The following LPCAT1 variants were observed in gnomAD, a reference collection of about 807,000 sequenced individuals.
LPCAT1 encodes 1-acylglycerol-3-phosphate O-acyltransferase.
In LPCAT1, 23 loss-of-function variants were observed where a neutral mutation model predicts 60.9. The ratio of observed to expected loss-of-function variants is 0.38; its 90% CI spans 0.27 to 0.53. The LOEUF is 0.53. Among genes scored for constraint, LPCAT1 ranks in the 20% least tolerant of loss-of-function variants. LPCAT1 has a pLI of 0.82. For synonymous variants in LPCAT1, 340 were observed against 301.1 expected (o/e 1.13, Z -1.34); for missense variants, 622 against 723.6 (o/e 0.86, Z 1.61).
chr5:1,463,889 G>A (rs1734215020), intron 13 of LPCAT1, 54 bp from the exon 14 acceptor site: 7 of 1,581,318 alleles, frequency 4.4e-6, no homozygotes, highest in Non-Finnish European at 6.0e-6. Context: ...AAATGTCTAG[G>A]ATTTGGAGGC....
At chr5:1,471,436 G>A (rs138278508) in intron 11 of LPCAT1, among the ~76,000 whole-genome samples, 2 of 152,342 alleles carry the variant, frequency 1.3e-5, no homozygotes, top group Non-Finnish European at 2.9e-5. Flanking sequence ...ATGCTGATGT[G>A]AGTGAGCAGG....
intron 1 of LPCAT1, among the ~76,000 whole-genome samples, chr5:1,514,725 C>T (rs374500986): frequency 2.0e-5 from 3 of 152,264 alleles, no homozygotes; most frequent in Admixed American, 2.0e-4. Flanking sequence ...AGTGATACAT[C>T]GTGGGGGGCT....
chr5:1,489,180 A>C (rs1735478231), intron 4 of LPCAT1, among the ~76,000 whole-genome samples: 1 of 152,246 alleles, frequency 6.6e-6, no homozygotes, highest in Non-Finnish European at 1.5e-5. Flanking sequence ...CCTGGAAGTC[A>C]CAGCCCTCTA....
At chr5:1,493,145 C>A (rs1421652955) in intron 3 of LPCAT1, among the ~76,000 whole-genome samples, 1 of 152,246 alleles carries the variant, frequency 6.6e-6, no homozygotes, top group African/African-American at 2.4e-5. Context: ...GCCTGTCCAG[C>A]CTCCTCCAGG....
chr5:1,469,839 G>GCAGGGCCA (rs1337436541), intron 12 of LPCAT1, among the ~76,000 whole-genome samples: 1 of 152,006 alleles, frequency 6.6e-6, no homozygotes, highest in Non-Finnish European at 1.5e-5. Context: ...AGCAGGGGCC[G>GCAGGGCCA]CAGGGCCACA....
At position 1,481,258 on chromosome 5, in the gene LPCAT1, C is replaced by T. The variant is rs113095166; in HGVS notation, c.727-282G>A. Among the ~76,000 whole-genome samples, 57 of 152,140 alleles carry T rather than the reference C, an allele frequency of 3.7e-4. No individual in the cohort carries two copies. The highest frequency in any genetic ancestry group is 6.8e-4 in the Non-Finnish European group (46 of 68,020). Reference sequence around the variant, plus strand: ...CCAAGATCCCCAGAGTCCCTGAGGACTCAGAGCCCCCTCTTATAGGTTCCC... The same window carrying T: ...CCAAGATCCCCAGAGTCCCTGAGGATTCAGAGCCCCCTCTTATAGGTTCCC... On this transcript the variant is annotated intron_variant, in intron 6 of 13. Coordinates refer to ENST00000283415, the MANE Select transcript of LPCAT1 (RefSeq NM_024830.5). The surrounding 1 kb of genome is among the most constrained non-coding windows in gnomAD (Gnocchi z 7.8).
At chr5:1,486,282 C>G (rs138774159) in intron 5 of LPCAT1, among the ~76,000 whole-genome samples, 5 of 152,198 alleles carry the variant, frequency 3.3e-5, no homozygotes, top group Non-Finnish European at 4.4e-5. Context: ...ACCTCAGAGG[C>G]GGCACCCCTG....
intron 3 of LPCAT1, among the ~76,000 whole-genome samples, chr5:1,492,622 C>G (rs369033232): frequency 9.7e-4 from 148 of 152,326 alleles, no homozygotes; most frequent in African/African-American, 2.9e-3. Context: ...CACGAGGGCC[C>G]TGCACACAGC....
At chr5:1,510,908 G>T (rs1245964067) in intron 1 of LPCAT1, 2 of 152,486 alleles carry the variant, frequency 1.3e-5, no homozygotes, top group Non-Finnish European at 2.9e-5. Context: ...GGAGTGCAGT[G>T]TCTCTGGAGC....
At chr5:1,508,471 A>G (rs150836610) in intron 1 of LPCAT1, among the ~76,000 whole-genome samples, 34 of 152,232 alleles carry the variant, frequency 2.2e-4, no homozygotes, top group Non-Finnish European at 4.7e-4. Flanking sequence ...AGATGAGGAC[A>G]CAGACACCCA....
At chr5:1,508,197 G>A (rs1209686851) in intron 1 of LPCAT1, among the ~76,000 whole-genome samples, 1 of 152,240 alleles carries the variant, frequency 6.6e-6, no homozygotes, top group Non-Finnish European at 1.5e-5. Flanking sequence ...GGCGGGCACA[G>A]TGGGAGTGCA....
In LPCAT1 at chr5:1,483,594, C is replaced by G. The variant is rs766332418; in HGVS notation, c.668-108G>C. On this transcript the variant is annotated intron_variant, in intron 5 of 13. Coordinates refer to ENST00000283415, the MANE Select transcript of LPCAT1 (RefSeq NM_024830.5). The surrounding 1 kb of genome is among the most constrained non-coding windows in gnomAD (Gnocchi z 9.2). ...TAAAAGTGAGCTTTTCTGTCTAGGC[C>G]TTCCTGGTCAGCAAGGGCACTCCAT... is the stretch of plus-strand genomic sequence containing the variant. The G allele has an allele frequency of 1.3e-4, 155 of 1,160,004 alleles. No homozygotes were observed. The highest frequency in any genetic ancestry group is 1.5e-4 in the Non-Finnish European group (121 of 792,548). The allele number at this position is 1,160,004 out of a possible 1,614,324, so 71.9% of individuals were successfully genotyped here.
intron 1 of LPCAT1, among the ~76,000 whole-genome samples, chr5:1,514,105 C>T (rs185499771): frequency 3.3e-5 from 5 of 152,338 alleles, no homozygotes; most frequent in Admixed American, 2.6e-4. Flanking sequence ...ATGGGCAGCC[C>T]GAGAGCAGAA....
At position 1,496,050 on chromosome 5, in the gene LPCAT1, C is replaced by T. The variant is rs1735777064; in HGVS notation, c.279-1136G>A. ...GGTGTGCACTTCTTCACCACCTGTT[C>T]AGCTGCATATTTAAAAATGTACTTT... On this transcript the variant is annotated intron_variant, in intron 2 of 13. Coordinates refer to ENST00000283415, the MANE Select transcript of LPCAT1 (RefSeq NM_024830.5). The surrounding 1 kb of genome is among the most constrained non-coding windows in gnomAD (Gnocchi z 4.7). Among the ~76,000 whole-genome samples the T allele has an allele frequency of 6.6e-6, 1 of 152,190 alleles. No individual in the cohort carries two copies. Among genetic ancestry groups the T allele is most frequent in the Admixed American group, 6.5e-5 (1 of 15,278 alleles).
chr5:1,505,561 G>A (rs1736156779), intron 1 of LPCAT1, among the ~76,000 whole-genome samples: 1 of 11,700 alleles, frequency 8.5e-5, no homozygotes, highest in Non-Finnish European at 1.6e-4. Context: ...CCTGCATGCC[G>A]GGTAGGGTAG....
At position 1,476,145 on chromosome 5, in the gene LPCAT1, G is replaced by A. The variant is rs957290348; in HGVS notation, c.899+1259C>T. Reference sequence around the variant, plus strand: ...AAAATAATCAGTGAGGCCCACAGGCGATCTCTCCTTGAGCGCTGTAAAATC... The same window carrying A: ...AAAATAATCAGTGAGGCCCACAGGCAATCTCTCCTTGAGCGCTGTAAAATC... On this transcript the variant is annotated intron_variant, in intron 9 of 13. Transcript: ENST00000283415. This position sits in a 1 kb window ranked among gnomAD's most constrained non-coding sequence, Gnocchi z 8.6. 6.6e-6 allele frequency among the ~76,000 whole-genome samples: 1 copy of A among 152,226 alleles called. No homozygotes were observed. The highest frequency in any genetic ancestry group is 1.5e-5 in the Non-Finnish European group (1 of 68,046).
At position 1,480,982 on chromosome 5, in the gene LPCAT1, G is replaced by C. The variant is rs1735115477; in HGVS notation, c.727-6C>G. The stretch of plus-strand genomic sequence containing the variant: ...CACGTCCATGTGATGGTGTCCTGGG[G>C]AGGAAGAGGCAGGGTCAGTCAGCAT... On this transcript the variant is annotated splice_region_variant and splice_polypyrimidine_tract_variant and intron_variant, in intron 6 of 13. Transcript: ENST00000283415. This position sits in a 1 kb window ranked among gnomAD's most constrained non-coding sequence, Gnocchi z 6.4. 6.2e-7 allele frequency: 1 copy of C among 1,613,580 alleles called. No homozygotes were observed. The highest frequency in any genetic ancestry group is 1.3e-5 in the African/African-American group (1 of 74,920).
At position 1,476,532 on chromosome 5, in the gene LPCAT1, C is replaced by T. The variant is rs138041086; in HGVS notation, c.899+872G>A. Among the ~76,000 whole-genome samples, 246 of 152,172 alleles carry T rather than the reference C, an allele frequency of 1.6e-3. 2 individuals carry two copies. The highest frequency in any genetic ancestry group is 5.7e-3 in the African/African-American group (238 of 41,494). On this transcript the variant is annotated intron_variant, in intron 9 of 13. Transcript: ENST00000283415. This position sits in a 1 kb window ranked among gnomAD's most constrained non-coding sequence, Gnocchi z 8.6. Reference sequence around the variant, plus strand: ...TTCCCCTCTGGGCTCTCTGGAGAGGCGAGTTCCCAGCCATGCCCCGACCTG... The same window carrying T: ...TTCCCCTCTGGGCTCTCTGGAGAGGTGAGTTCCCAGCCATGCCCCGACCTG...
In LPCAT1 at chr5:1,487,959, C is replaced by G. The variant is rs1735433778; in HGVS notation, c.667+432G>C. On this transcript the variant is annotated intron_variant, in intron 5 of 13. Coordinates refer to ENST00000283415, the MANE Select transcript of LPCAT1 (RefSeq NM_024830.5). This position sits in a 1 kb window ranked among gnomAD's most constrained non-coding sequence, Gnocchi z 6.1. ...CCCCCCTCCCCAGGGAGAAAGAACA[C>G]TGTCTAACTGGGGACCTGGGGACCT... Among the ~76,000 whole-genome samples, 1 of 152,194 alleles carries G rather than the reference C, an allele frequency of 6.6e-6. No individual in the cohort carries two copies. Among genetic ancestry groups the G allele is most frequent in the Non-Finnish European group, 1.5e-5 (1 of 68,042 alleles).
Sources: gnomAD v4.1 joint callset for allele counts (sites outside exome capture counted in the v4.1 genomes callset) on GRCh38, gnomAD v4.1.1 for gene constraint, Gnocchi (gnomAD v3.1) non-coding constraint, MANE v1.5 for transcripts, NCBI Gene and HGNC (gene_info 2026-07-23, HGNC 2026-07-21) for gene names.